Variants in OPCML observed in about 807,000 individuals in gnomAD.
OPCML encodes the protein opioid-binding protein/cell adhesion molecule.
OPCML carries 13 observed loss-of-function variants against 37.8 expected under a neutral mutation model. That is an observed-to-expected ratio of 0.34 (90% CI 0.22 to 0.55). The LOEUF (loss-of-function observed/expected upper bound fraction) is 0.55, where lower values mean the gene tolerates loss of function less well. Ranked by LOEUF, OPCML falls within the 20% of genes least tolerant of loss-of-function variation. OPCML has a pLI of 0.91. For missense variants in OPCML, 341 were observed against 435.6 expected (o/e 0.78, Z 1.93); for synonymous variants, 176 against 168.8 (o/e 1.04, Z -0.33).
intron 1 of OPCML, among the ~76,000 whole-genome samples, chr11:133,099,192 G>A (rs946992772): frequency 6.6e-6 from 1 of 151,192 alleles, no homozygotes; most frequent in African/African-American, 2.4e-5. Context: ...CTAAATAAAT[G>A]AAGAGATATT....
intron 3 of OPCML, among the ~76,000 whole-genome samples, chr11:132,548,912 C>T (rs2096375015): frequency 6.6e-6 from 1 of 152,038 alleles, no homozygotes; most frequent in African/African-American, 2.4e-5. Context: ...AAATTGTATA[C>T]AAAGAGACAA....
At chr11:133,104,682 T>G (rs1949131719) in intron 1 of OPCML, among the ~76,000 whole-genome samples, 1 of 152,216 alleles carries the variant, frequency 6.6e-6, no homozygotes, top group Non-Finnish European at 1.5e-5. Flanking sequence ...TTATTTCTGG[T>G]GAAAAGGGCC....
intron 3 of OPCML, among the ~76,000 whole-genome samples, chr11:132,611,347 A>G (rs980421272): frequency 1.3e-5 from 2 of 152,052 alleles, no homozygotes; most frequent in African/African-American, 4.8e-5. Context: ...CCTAACCCCA[A>G]TCCACTGCCG....
At chr11:132,745,638 C>T (rs138039312) in intron 2 of OPCML, among the ~76,000 whole-genome samples, 1 of 151,412 alleles carries the variant, frequency 6.6e-6, no homozygotes, top group Non-Finnish European at 1.5e-5. Flanking sequence ...AGCTTTCTCT[C>T]TTTCTTGAGG....
intron 3 of OPCML, among the ~76,000 whole-genome samples, chr11:132,560,638 T>C (rs2096408572): frequency 6.6e-6 from 1 of 152,154 alleles, no homozygotes; most frequent in African/African-American, 2.4e-5. Flanking sequence ...AGGAGTAAGG[T>C]GGTATCACAT....
chr11:132,779,179 G>C (rs1481870347), intron 2 of OPCML, among the ~76,000 whole-genome samples: 1 of 151,992 alleles, frequency 6.6e-6, no homozygotes, highest in Non-Finnish European at 1.5e-5. Context: ...TGCTGGCCAG[G>C]CTGGCCTCGA....
intron 4 of OPCML, among the ~76,000 whole-genome samples, chr11:132,500,144 C>T (rs1013120017): frequency 6.6e-6 from 1 of 152,116 alleles, no homozygotes; most frequent in Non-Finnish European, 1.5e-5. Context: ...GAAACTAAGT[C>T]ATCAGTAGAC....
chr11:132,899,823 G>A (rs1030448915), intron 2 of OPCML, among the ~76,000 whole-genome samples: 2 of 152,044 alleles, frequency 1.3e-5, no homozygotes, highest in Non-Finnish European at 2.9e-5. Context: ...AGGCAAATAG[G>A]TTTCTTTCCT....
intron 3 of OPCML, among the ~76,000 whole-genome samples, chr11:132,636,249 CTT>C (rs1230579427): frequency 6.6e-6 from 1 of 152,150 alleles, no homozygotes; most frequent in Non-Finnish European, 1.5e-5. Context: ...GCCTCTGAAA[CTT>C]TGCAATGAAT....
intron 1 of OPCML, among the ~76,000 whole-genome samples, chr11:133,341,243 G>GA (rs1175091625): frequency 6.6e-6 from 1 of 151,928 alleles, no homozygotes; most frequent in East Asian, 1.9e-4. Flanking sequence ...AACAAAAAAT[G>GA]AAAAAAGGTC....
chr11:133,494,216 A>AAAC (rs1260235074), intron 1 of OPCML, among the ~76,000 whole-genome samples: 1 of 152,124 alleles, frequency 6.6e-6, no homozygotes, highest in Non-Finnish European at 1.5e-5. Flanking sequence ...AAAAGTCAGG[A>AAAC]AACAACAGGT....
chr11:133,134,635 C>G (rs1247577745), intron 1 of OPCML, among the ~76,000 whole-genome samples: 1 of 152,182 alleles, frequency 6.6e-6, no homozygotes, highest in Non-Finnish European at 1.5e-5. Flanking sequence ...GAAATATCCT[C>G]GACTTGCTCC....
At chr11:133,191,358 T>C (rs928559351) in intron 1 of OPCML, among the ~76,000 whole-genome samples, 2 of 152,224 alleles carry the variant, frequency 1.3e-5, no homozygotes, top group Non-Finnish European at 2.9e-5. Context: ...TCCTTCCCTG[T>C]TGCTTCCTTG....
chr11:132,877,417 A>G (rs1943061672), intron 2 of OPCML, among the ~76,000 whole-genome samples: 1 of 152,214 alleles, frequency 6.6e-6, no homozygotes, highest in South Asian at 2.1e-4. Flanking sequence ...CACCAAGCAC[A>G]CTGGAGTCTG....
chr11:132,756,682 A>G (rs1946059882), intron 2 of OPCML, among the ~76,000 whole-genome samples: 1 of 152,210 alleles, frequency 6.6e-6, no homozygotes, highest in South Asian at 2.1e-4. Context: ...GCTCCAAAAT[A>G]TTGGAAATTG....
At chr11:133,194,205 C>CTGT (rs1938442066) in intron 1 of OPCML, among the ~76,000 whole-genome samples, 1 of 106,942 alleles carries the variant, frequency 9.4e-6, no homozygotes, top group African/African-American at 3.9e-5. Flanking sequence ...CCTTCCCCCA[C>CTGT]TTTTTTTTTT....
intron 1 of OPCML, among the ~76,000 whole-genome samples, chr11:133,182,147 A>C (rs542100119): frequency 6.6e-6 from 1 of 152,172 alleles, no homozygotes; most frequent in Non-Finnish European, 1.5e-5. Flanking sequence ...CCCTCAGCTG[A>C]CTGCCCATCT....
chr11:132,878,322 A>C (rs962289804), intron 2 of OPCML, among the ~76,000 whole-genome samples: 1 of 152,202 alleles, frequency 6.6e-6, no homozygotes, highest in Non-Finnish European at 1.5e-5. Flanking sequence ...TTGTTGCATG[A>C]GATTAACTTT....
intron 2 of OPCML, among the ~76,000 whole-genome samples, chr11:132,913,010 G>A (rs1944479804): frequency 6.6e-6 from 1 of 152,246 alleles, no homozygotes; most frequent in Admixed American, 6.5e-5. Context: ...CATTAGTAGA[G>A]TTGGAGTTGC....
Sources: allele counts gnomAD v4.1 joint callset (sites outside exome capture counted in the v4.1 genomes callset), GRCh38; gene constraint gnomAD v4.1.1; transcripts MANE v1.5; gene names NCBI Gene and HGNC (gene_info 2026-07-23, HGNC 2026-07-21).